The following STAC variants were observed in gnomAD, a reference collection of about 807,000 sequenced individuals.
The protein encoded by STAC is SH3 and cysteine-rich domain-containing protein.
A neutral mutation model predicts 48.8 loss-of-function variants in STAC; 43 were observed. That is an observed-to-expected ratio of 0.88 (90% CI 0.69 to 1.14). The LOEUF is 1.14. Among genes scored for constraint, STAC ranks in the 50% most tolerant of loss-of-function variants. The pLI is 0.00. For missense variants in STAC, 497 were observed against 504.0 expected, an observed-to-expected ratio of 0.99 and a Z score of 0.13; for synonymous variants, 193 against 179.5, an observed-to-expected ratio of 1.07 and a Z score of -0.60.
At chr3:36,437,701 A>C (rs1170085050) in intron 1 of STAC, among the ~76,000 whole-genome samples, 3 of 150,916 alleles carry the variant, frequency 2.0e-5, no homozygotes, top group Admixed American at 2.0e-4. Flanking sequence ...TGGGTTCAGC[A>C]CCCCAGCATG....
At chr3:36,417,314 T>C (rs973785335) in intron 1 of STAC, among the ~76,000 whole-genome samples, 36 of 152,200 alleles carry the variant, frequency 2.4e-4, no homozygotes, top group African/African-American at 8.7e-4. Flanking sequence ...TGTCTCTCTT[T>C]TCCTGTGTCC....
intron 2 of STAC, among the ~76,000 whole-genome samples, chr3:36,449,809 G>A (rs559754364): frequency 1.4e-4 from 21 of 152,282 alleles, no homozygotes; most frequent in South Asian, 8.3e-4. Flanking sequence ...GGAGCATTGC[G>A]TGTCATCTTA....
At chr3:36,441,292 T>C (rs1243641358) in intron 1 of STAC, among the ~76,000 whole-genome samples, 1 of 152,156 alleles carries the variant, frequency 6.6e-6, no homozygotes, top group Non-Finnish European at 1.5e-5. Flanking sequence ...TACTTTTAAC[T>C]TCTACGAGAT....
chr3:36,436,996 A>G (rs776141365), intron 1 of STAC, among the ~76,000 whole-genome samples: 105 of 152,050 alleles, frequency 6.9e-4, no homozygotes, highest in Non-Finnish European at 1.1e-3. Flanking sequence ...AAAAGAAGAC[A>G]TTTATGCAGC....
intron 2 of STAC, among the ~76,000 whole-genome samples, chr3:36,449,060 G>A (rs949959386): frequency 3.3e-5 from 5 of 152,056 alleles, no homozygotes; most frequent in African/African-American, 7.2e-5. Context: ...TCGAGGCTAC[G>A]ATGAGCTATG....
rs534012824 is a variant in STAC, at chr3:36,504,707, T to C, written c.831+250T>C. On this transcript the variant is annotated intron_variant, in intron 7 of 10. Transcript: ENST00000273183. ...ATATAATGTGTAGATTATAGAATTA[T>C]ATAATATATTATCACTGTATTTTAT... Among the ~76,000 whole-genome samples the C allele has an allele frequency of 4.0e-5, 6 of 151,524 alleles. No homozygotes were observed. The South Asian group carries it at 1.2e-3, about 31-fold the overall frequency.
intron 1 of STAC, among the ~76,000 whole-genome samples, chr3:36,399,038 A>G (rs1699947066): frequency 6.6e-6 from 1 of 152,228 alleles, no homozygotes; most frequent in Admixed American, 6.5e-5. Context: ...TGGGGTACAG[A>G]GTGCACCAGA....
intron 1 of STAC, 44 bp downstream of exon 1, chr3:36,380,798 C>T: frequency 6.8e-7 from 1 of 1,473,066 alleles, no homozygotes; most frequent in East Asian, 2.4e-5. Context: ...ACTCACTCTC[C>T]TCTCCTGTCG....
intron 8 of STAC, chr3:36,506,172 A>C (rs1698399544): frequency 5.6e-6 from 1 of 178,554 alleles, no homozygotes; most frequent in Non-Finnish European, 1.2e-5. Flanking sequence ...TTGAACGTTA[A>C]ATGCACTTGG....
intron 2 of STAC, among the ~76,000 whole-genome samples, chr3:36,448,460 A>C (rs992960576): frequency 6.6e-6 from 1 of 152,046 alleles, no homozygotes; most frequent in Non-Finnish European, 1.5e-5. Flanking sequence ...ACCTCAAGTG[A>C]TCTGCCCACC....
intron 2 of STAC, among the ~76,000 whole-genome samples, chr3:36,452,424 A>G (rs1216090599): frequency 6.6e-6 from 1 of 152,212 alleles, no homozygotes; most frequent in East Asian, 1.9e-4. Context: ...AGACTGGCAC[A>G]TCGCAAATGT....
intron 1 of STAC, among the ~76,000 whole-genome samples, chr3:36,383,014 T>A (rs1341886653): frequency 6.6e-6 from 1 of 152,126 alleles, no homozygotes; most frequent in Non-Finnish European, 1.5e-5. Context: ...AAGAGTTAGG[T>A]TTTTTTGTCT....
intron 1 of STAC, among the ~76,000 whole-genome samples, chr3:36,393,666 T>C (rs1699797491): frequency 6.7e-6 from 1 of 149,334 alleles, no homozygotes. Context: ...AAGAGAGAGC[T>C]TCCTTCTTCT....
At chr3:36,438,512 T>A (rs57258426) in intron 1 of STAC, among the ~76,000 whole-genome samples, 3,520 of 152,316 alleles carry the variant, frequency 0.023, 60 homozygotes, top group East Asian at 0.026. Context: ...TAGGGATAAT[T>A]AGAGAAAGCA....
chr3:36,519,599 G>A (rs1449180187), intron 8 of STAC, among the ~76,000 whole-genome samples: 1 of 152,200 alleles, frequency 6.6e-6, no homozygotes, highest in Non-Finnish European at 1.5e-5. Context: ...TATTTTAAGT[G>A]CATTAGGTTT....
At position 36,528,766 on chromosome 3, in the gene STAC, T is replaced by TA. The variant is rs1195596536; in HGVS notation, c.972+19_972+20insA. 2 of 1,599,296 alleles carry TA rather than the reference T, an allele frequency of 1.3e-6. No homozygotes were observed. Among genetic ancestry groups the TA allele is most frequent in the Non-Finnish European group, 1.7e-6 (2 of 1,174,884 alleles). On this transcript the variant is annotated intron_variant, in intron 9 of 10. Coordinates refer to ENST00000273183, the MANE Select transcript of STAC (RefSeq NM_003149.3). ...GTGGAAAGTAAGTGTTCCTCTTTCT[T>TA]TAAAAAAAAAAGAGAAAATCATTTG...
chr3:36,485,290 G>C (rs1172930859), intron 4 of STAC, among the ~76,000 whole-genome samples: 2 of 152,196 alleles, frequency 1.3e-5, no homozygotes, highest in Admixed American at 6.5e-5. Context: ...AATCCCAAAG[G>C]CTACTGATTA....
At chr3:36,517,857 ACAGT>A (rs1050177630) in intron 8 of STAC, among the ~76,000 whole-genome samples, 37 of 152,058 alleles carry the variant, frequency 2.4e-4, no homozygotes, top group African/African-American at 8.5e-4. Context: ...ACACACACTC[ACAGT>A]CACACACACA....
chr3:36,453,968 T>G (rs542065839), intron 2 of STAC, among the ~76,000 whole-genome samples: 54 of 152,008 alleles, frequency 3.6e-4, no homozygotes, highest in African/African-American at 1.3e-3. Flanking sequence ...TCCACACTCT[T>G]TATCTAGCTA....
Sources: allele counts gnomAD v4.1 joint callset (sites outside exome capture counted in the v4.1 genomes callset), GRCh38; gene constraint gnomAD v4.1.1; transcripts MANE v1.5; gene names NCBI Gene and HGNC (gene_info 2026-07-23, HGNC 2026-07-21).